RO60: variants seen among roughly 807,000 people sequenced by gnomAD.
The protein encoded by RO60 is Ro60, Y RNA binding protein.
Under a neutral mutation model 55.3 loss-of-function variants are expected in RO60, and 20 were observed. That is an observed-to-expected ratio of 0.36 (90% CI 0.25 to 0.53). The LOEUF (loss-of-function observed/expected upper bound fraction) is 0.53. RO60 is among the 20% of genes least tolerant of loss of function. The probability of loss-of-function intolerance (pLI) is 0.92; values close to 1 mark genes in which losing one functional copy is unlikely to be tolerated. For synonymous variants in RO60, 213 were observed against 213.6 expected, an observed-to-expected ratio of 1.00 and a Z score of 0.02; for missense variants, 558 against 646.6, an observed-to-expected ratio of 0.86 and a Z score of 1.49.
rs1374384894 is a variant in RO60 at position 193,086,270 on chromosome 1, A to C, written c.*1539A>C. The C allele has an allele frequency of 6.5e-6, 1 of 153,698 alleles. No homozygotes were observed. Among genetic ancestry groups the C allele is most frequent in the Admixed American group, 6.5e-5 (1 of 15,270 alleles). 9.5% of individuals were successfully genotyped at this position (153,698 alleles called of 1,614,324 possible). On this transcript the variant is annotated 3_prime_UTR_variant, in exon 9 of 9. Transcript: ENST00000400968. ...ATGTGAAATTTGGGCTCTGGGAATA[A>C]GAAAATATTCCTTTCAAATTTATTT...
At position 193,084,863 on chromosome 1, in the gene RO60, A is replaced by G. The variant is rs1674550781; in HGVS notation, c.*132A>G. Reference sequence around the variant, plus strand: ...TATGTGCATAATGGAAAGTTACCTTACTGAAAAAAAAAAAAGAAGGAAAAA... The same window carrying G: ...TATGTGCATAATGGAAAGTTACCTTGCTGAAAAAAAAAAAAGAAGGAAAAA... On this transcript the variant is annotated 3_prime_UTR_variant, in exon 9 of 9. Coordinates refer to ENST00000400968, the MANE Select transcript of RO60 (RefSeq NM_001173524.2). 1 of 1,475,512 alleles carries G rather than the reference A, an allele frequency of 6.8e-7. No homozygotes were observed. The highest frequency in any genetic ancestry group is 1.4e-5 in the African/African-American group (1 of 70,126). The allele number at this position is 1,475,512 out of a possible 1,614,324, so 91.4% of individuals were successfully genotyped here.
At chr1:193,067,184 CTTT>C (rs1179476737) in intron 1 of RO60, among the ~76,000 whole-genome samples, 1 of 129,070 alleles carries the variant, frequency 7.7e-6, no homozygotes. Context: ...TTTTTTCTTT[CTTT>C]TTTTTTTTTT....
At chr1:193,082,857 C>A in intron 8 of RO60, 149 bp downstream of exon 8, 1 of 613,770 alleles carries the variant, frequency 1.6e-6, no homozygotes, top group South Asian at 2.4e-5. Context: ...CTCAACCTCC[C>A]AGGCTTAAGT....
At chr1:193,064,731 G>T (rs1673000667) in intron 1 of RO60, among the ~76,000 whole-genome samples, 1 of 152,186 alleles carries the variant, frequency 6.6e-6, no homozygotes, top group Non-Finnish European at 1.5e-5. Context: ...TACTGAAAGG[G>T]TATGTCCTCA....
At chr1:193,074,088 A>G (rs566310312) in intron 2 of RO60, among the ~76,000 whole-genome samples, 1 of 152,314 alleles carries the variant, frequency 6.6e-6, no homozygotes, top group African/African-American at 2.4e-5. Flanking sequence ...ATGGCTGCAT[A>G]GTATTCCATG....
chr1:193,084,361 A>G (rs952337063), intron 8 of RO60, among the ~76,000 whole-genome samples: 3 of 152,216 alleles, frequency 2.0e-5, no homozygotes, highest in Non-Finnish European at 4.4e-5. Context: ...AAAGTAATTG[A>G]AGAGAGAAGT....
chr1:193,083,632 C>A (rs569289848), intron 8 of RO60, among the ~76,000 whole-genome samples: 29 of 152,320 alleles, frequency 1.9e-4, no homozygotes, highest in South Asian at 2.1e-4. Flanking sequence ...ATTCCTGAGG[C>A]CCGTCAGAGA....
At chr1:193,081,767 AAG>A (rs531230822) in intron 6 of RO60, among the ~76,000 whole-genome samples, 141 of 152,238 alleles carry the variant, frequency 9.3e-4, no homozygotes, top group South Asian at 6.2e-3. Flanking sequence ...AAATGAAAAA[AAG>A]ACAAATTTTT....
chr1:193,075,560 A>G (rs1291553360), intron 2 of RO60, among the ~76,000 whole-genome samples: 1 of 152,060 alleles, frequency 6.6e-6, no homozygotes, highest in Non-Finnish European at 1.5e-5. Flanking sequence ...AAGAAAAGAA[A>G]GAAAAGCCTC....
chr1:193,082,247 G>C lies in RO60; in HGVS notation c.1265G>C (p.Cys422Ser). The C allele has an allele frequency of 6.2e-7, 1 of 1,613,512 alleles. No homozygotes were observed. Among genetic ancestry groups the C allele is most frequent in the Non-Finnish European group, 8.5e-7 (1 of 1,179,730 alleles). ...GCTTTTTCCGATGAAATGGTACCATGTCCAGTGACTACAGATATGACCTTA... is the reference window on the plus strand; with the variant it reads ...GCTTTTTCCGATGAAATGGTACCATCTCCAGTGACTACAGATATGACCTTA... ...VVAFSDEMVP[C>S]PVTTDMTLQQ... The change falls in exon 7 of 9, where the codon TGT becomes TCT. Residue 422 changes from cysteine (C) to serine (S), a missense_variant. Physicochemically the swap from Cys to Ser is moderately radical, Grantham distance 112. Coordinates refer to ENST00000400968, the MANE Select transcript of RO60 (RefSeq NM_001173524.2).
chr1:193,083,913 G>T (rs900029815), intron 8 of RO60, among the ~76,000 whole-genome samples: 2 of 152,168 alleles, frequency 1.3e-5, no homozygotes, highest in African/African-American at 4.8e-5. Flanking sequence ...AGACTGTTTG[G>T]TTGTGAGTCC....
intron 3 of RO60, 122 bp downstream of exon 3, chr1:193,076,162 C>G: frequency 1.6e-6 from 1 of 609,994 alleles, no homozygotes; most frequent in Non-Finnish European, 2.6e-6. Context: ...TAAAATATAT[C>G]TTGAAATTGA....
At chr1:193,080,139 A>G (rs1177578835) in intron 5 of RO60, among the ~76,000 whole-genome samples, 1 of 148,930 alleles carries the variant, frequency 6.7e-6, no homozygotes, top group Non-Finnish European at 1.5e-5. Context: ...CTCAAAAAAC[A>G]AAAAAAAAAC....
Position 193,069,234 on chromosome 1 carries a change from T to G in RO60, c.180T>G (p.Ala60=). 1 of 1,614,214 alleles carries G rather than the reference T, an allele frequency of 6.2e-7. No homozygotes were observed. Among genetic ancestry groups the G allele is most frequent in the South Asian group, 1.1e-5 (1 of 91,084 alleles). ...EQKLGLENAE[A]LIRLIEDGRG... ...AGTTGGGCCTTGAAAATGCTGAAGCTTTAATTAGATTGATTGAAGATGGCA... is the reference window on the plus strand; with the variant it reads ...AGTTGGGCCTTGAAAATGCTGAAGCGTTAATTAGATTGATTGAAGATGGCA... Residue 60 remains alanine (A), a synonymous_variant, in exon 2 of 9, where the codon GCT becomes GCG. Coordinates refer to ENST00000400968, the MANE Select transcript of RO60 (RefSeq NM_001173524.2).
chr1:193,060,438 GA>G (rs1008202415), intron 1 of RO60, among the ~76,000 whole-genome samples: 2 of 152,060 alleles, frequency 1.3e-5, no homozygotes, highest in African/African-American at 4.8e-5. Flanking sequence ...AAGTTTTTAA[GA>G]GTATATTGAA....
rs1210797140 is a variant in RO60, at chr1:193,088,126, C to G, written c.*3395C>G. 6.8e-6 allele frequency: 1 copy of G among 147,650 alleles called. No homozygotes were observed. Among genetic ancestry groups the G allele is most frequent in the African/African-American group, 2.5e-5 (1 of 39,458 alleles). 9.1% of individuals were successfully genotyped at this position (147,650 alleles called of 1,614,324 possible). ...AAGTTCAAGTGATCTTCCCAAGTAG[C>G]CAGGAACACTGGTGTGCACTGCACT... On this transcript the variant is annotated 3_prime_UTR_variant, in exon 9 of 9. Transcript: ENST00000400968.
chr1:193,088,712 A>T lies in RO60; in HGVS notation c.*3981A>T, dbSNP rs1674728752. On this transcript the variant is annotated 3_prime_UTR_variant, in exon 9 of 9. Transcript: ENST00000400968. ...GCACTATCCCCTCTGGAGAAATGTC[A>T]TATGGCATCAGTGTAAACATGCACA... 1 of 152,220 alleles carries T rather than the reference A, an allele frequency of 6.6e-6. No homozygotes were observed. The highest frequency in any genetic ancestry group is 2.4e-5 in the African/African-American group (1 of 41,466). 9.4% of individuals were successfully genotyped at this position (152,220 alleles called of 1,614,324 possible). A position where few individuals can be genotyped will look rare whatever the true frequency, so the allele number is the denominator to read the frequency against.
At position 193,085,474 on chromosome 1, in the gene RO60, T is replaced by C; in HGVS notation, c.*743T>C. On this transcript the variant is annotated 3_prime_UTR_variant, in exon 9 of 9. Coordinates refer to ENST00000400968, the MANE Select transcript of RO60 (RefSeq NM_001173524.2). ...TTTTTTTTTGCTTTGTTATATTTTA[T>C]TGCTACAAGGGGTGTGACTTGATAA... 1.0e-6 allele frequency: 1 copy of C among 985,558 alleles called. No homozygotes were observed. Among genetic ancestry groups the C allele is most frequent in the Non-Finnish European group, 1.2e-6 (1 of 830,164 alleles). The allele number at this position is 985,558 out of a possible 1,614,324, so 61.1% of individuals were successfully genotyped here.
At position 193,069,306 on chromosome 1, in the gene RO60, C is replaced by T. The variant is rs774757874; in HGVS notation, c.252C>T (p.Gly84=). The T allele has an allele frequency of 6.2e-7, 1 of 1,614,214 alleles. No homozygotes were observed. Among genetic ancestry groups the T allele is most frequent in the South Asian group, 1.1e-5 (1 of 91,082 alleles). ...AAATAAAGTCATTTAGTCAAGAAGGCAGAACCACAAAGCAAGAGCCTATGC... is the reference window on the plus strand; with the variant it reads ...AAATAAAGTCATTTAGTCAAGAAGGTAGAACCACAAAGCAAGAGCCTATGC... The part of the protein sequence containing the change: ...IQEIKSFSQE[G]RTTKQEPMLF... The change falls in exon 2 of 9, where the codon GGC becomes GGT. Residue 84 remains glycine, a synonymous_variant. Transcript: ENST00000400968.
Sources: allele counts gnomAD v4.1 joint callset (sites outside exome capture counted in the v4.1 genomes callset), GRCh38; gene constraint gnomAD v4.1.1; transcripts MANE v1.5; gene names NCBI Gene and HGNC (gene_info 2026-07-23, HGNC 2026-07-21).